LRRC57: variants seen among roughly 807,000 people sequenced by gnomAD.
The protein encoded by LRRC57 is leucine rich repeat containing 57.
Under a neutral mutation model 23.1 loss-of-function variants are expected in LRRC57, and 14 were observed. The ratio of observed to expected loss-of-function variants is 0.61; its 90% CI spans 0.40 to 0.95. The LOEUF (loss-of-function observed/expected upper bound fraction) is 0.95, where lower values mean the gene tolerates loss of function less well. Ranked by LOEUF, LRRC57 falls within the 40% of genes least tolerant of loss-of-function variation. LRRC57 has a pLI of 0.00. For missense variants in LRRC57, 236 were observed against 284.4 expected (o/e 0.83, Z 1.22); for synonymous variants, 106 against 115.2 (o/e 0.92, Z 0.51).
intron 2 of LRRC57, 24 bp downstream of exon 2, chr15:42,548,327 T>C (rs1450095187): frequency 6.2e-7 from 1 of 1,614,020 alleles, no homozygotes; most frequent in Non-Finnish European, 8.5e-7. Context: ...TTAAGTTCCC[T>C]GGTCGTGTCC....
In LRRC57 at chr15:42,543,973, A is replaced by G. The variant is rs2057643888; in HGVS notation, c.*110T>C. 2 of 711,912 alleles carry G rather than the reference A, an allele frequency of 2.8e-6. No homozygotes were observed. The highest frequency in any genetic ancestry group is 2.3e-5 in the Admixed American group (1 of 43,992). 44.1% of individuals were successfully genotyped at this position (711,912 alleles called of 1,614,324 possible). ...GTGAAATATAATCTCCTGAAGTATC[A>G]TCTCCTTACTGTAGATACCCCTAAC... is the stretch of plus-strand genomic sequence containing the variant. On this transcript the variant is annotated 3_prime_UTR_variant, in exon 6 of 6. Coordinates refer to ENST00000397130, the MANE Select transcript of LRRC57 (RefSeq NM_153260.3).
chr15:42,547,823 C>A, intron 3 of LRRC57: 2 of 546,512 alleles, frequency 3.7e-6, no homozygotes, highest in South Asian at 5.1e-5. Context: ...TCTCATCCAT[C>A]CCCCATTCCA....
chr15:42,537,208 ATC>A (rs1248823539), downstream of LRRC57, among the ~76,000 whole-genome samples: 1 of 135,856 alleles, frequency 7.4e-6, no homozygotes, highest in African/African-American at 3.5e-5. Flanking sequence ...GTGAGATCCC[ATC>A]TCTCTGTCTC....
At chr15:42,547,685 T>C (rs888642215) in intron 3 of LRRC57, 156 bp from the exon 4 acceptor site, 16 of 694,874 alleles carry the variant, frequency 2.3e-5, no homozygotes, top group South Asian at 2.2e-4. Context: ...TTTACCAACA[T>C]AGTCTTTAGA....
chr15:42,534,092 T>A (rs1333741329), downstream of LRRC57, among the ~76,000 whole-genome samples: 1 of 152,156 alleles, frequency 6.6e-6, no homozygotes, highest in Non-Finnish European at 1.5e-5. Flanking sequence ...TGTGGTGGCA[T>A]GTGCCTGTAA....
At chr15:42,545,611 T>G (rs2057655343) in intron 4 of LRRC57, among the ~76,000 whole-genome samples, 1 of 152,226 alleles carries the variant, frequency 6.6e-6, no homozygotes, top group African/African-American at 2.4e-5. Context: ...ATAACCACCA[T>G]AAACATTTTG....
At chr15:42,535,446 C>CTT (rs1566823523), downstream of LRRC57, among the ~76,000 whole-genome samples, 5 of 147,192 alleles carry the variant, frequency 3.4e-5, no homozygotes, top group African/African-American at 1.3e-4. Context: ...CCTGTCTTGG[C>CTT]ATTTTTTTTT....
chr15:42,533,852 G>A (rs1381922465), downstream of LRRC57, among the ~76,000 whole-genome samples: 1 of 152,234 alleles, frequency 6.6e-6, no homozygotes, highest in Non-Finnish European at 1.5e-5. Context: ...TAAAAGTTCT[G>A]TTTACACTAT....
At chr15:42,548,581 G>A in intron 1 of LRRC57, 112 bp downstream of exon 1, 1 of 725,550 alleles carries the variant, frequency 1.4e-6, no homozygotes. Context: ...AGAGCGACAA[G>A]GAAGAAACGG....
intron 3 of LRRC57, 116 bp from the exon 4 acceptor site, chr15:42,547,645 TC>T: frequency 2.2e-6 from 2 of 911,578 alleles, no homozygotes; most frequent in Non-Finnish European, 3.3e-6. Flanking sequence ...TATGTAAAAC[TC>T]CCACATGTGC....
downstream of LRRC57, among the ~76,000 whole-genome samples, chr15:42,537,590 C>T (rs2057607121): frequency 6.6e-6 from 1 of 152,150 alleles, no homozygotes; most frequent in African/African-American, 2.4e-5. Context: ...CCTGCACTCC[C>T]ATGGTTATTG....
chr15:42,535,653 A>G (rs1173894530), downstream of LRRC57, among the ~76,000 whole-genome samples: 1 of 152,078 alleles, frequency 6.6e-6, no homozygotes, highest in Non-Finnish European at 1.5e-5. Context: ...ACCTCAGGTG[A>G]TCCGCCCACC....
chr15:42,547,510 T>A lies in LRRC57; in HGVS notation c.243A>T (p.Ile81=). The A allele has an allele frequency of 1.2e-6, 2 of 1,612,086 alleles. No homozygotes were observed. The highest frequency in any genetic ancestry group is 2.2e-5 in the South Asian group (2 of 91,002). The part of the protein sequence containing the change: ...NNKLTVLPDE[I]CNLKKLETLS... ...GCGTCTCTAGTTTTTTCAGATTGCA[T>A]ATCTCATCAGGCAGAACAGCTGGCA... The change falls in exon 4 of 6, where the codon ATA becomes ATT. Residue 81 remains isoleucine, a synonymous_variant. Transcript: ENST00000397130.
At chr15:42,531,714 A>G in the LRRC57 span, 1 of 370,830 alleles carries the variant, frequency 2.7e-6, no homozygotes, top group Non-Finnish European at 4.8e-6. Flanking sequence ...ATTGGTTTTC[A>G]TATGTCATGT....
At chr15:42,534,672 ATCC>A (rs1401031735), downstream of LRRC57, among the ~76,000 whole-genome samples, 4 of 152,214 alleles carry the variant, frequency 2.6e-5, no homozygotes, top group Non-Finnish European at 5.9e-5. Flanking sequence ...TGACTCTTTG[ATCC>A]AAGGGCTGTA....
chr15:42,528,522 T>A, the LRRC57 span: 1 of 1,131,754 alleles, frequency 8.8e-7, no homozygotes, highest in African/African-American at 1.6e-5. Context: ...AAATAAAAAT[T>A]GTATTTATTC....
At chr15:42,546,381 T>C (rs901964715) in intron 4 of LRRC57, among the ~76,000 whole-genome samples, 1 of 151,738 alleles carries the variant, frequency 6.6e-6, no homozygotes, top group Admixed American at 6.6e-5. Flanking sequence ...TAATACTTGC[T>C]GCTTAATTGA....
At chr15:42,534,531 A>C (rs772965946), downstream of LRRC57, among the ~76,000 whole-genome samples, 1 of 152,228 alleles carries the variant, frequency 6.6e-6, no homozygotes, top group Non-Finnish European at 1.5e-5. Flanking sequence ...TTCATGAATC[A>C]TGAATGTCCT....
downstream of LRRC57, chr15:42,537,743 A>C (rs982453577): frequency 3.3e-5 from 5 of 152,208 alleles, no homozygotes; most frequent in African/African-American, 1.2e-4. Flanking sequence ...CAGTGACATG[A>C]ATACACTGGA....
Sources: allele counts gnomAD v4.1 joint callset (sites outside exome capture counted in the v4.1 genomes callset), GRCh38; gene constraint gnomAD v4.1.1; transcripts MANE v1.5; gene names NCBI Gene and HGNC (gene_info 2026-07-23, HGNC 2026-07-21).